VGLL4: variants seen among roughly 807,000 people sequenced by gnomAD.
VGLL4 encodes the protein vestigial like family member 4.
Under a neutral mutation model 21.0 loss-of-function variants are expected in VGLL4, and 7 were observed. The observed-to-expected ratio is 0.33, with a 90% CI of 0.19 to 0.63. The LOEUF is 0.63. VGLL4 is among the 20% of genes least tolerant of loss of function. The probability of loss-of-function intolerance (pLI) is 0.78; values close to 1 mark genes in which losing one functional copy is unlikely to be tolerated. For synonymous variants in VGLL4, 222 were observed against 173.2 expected (o/e 1.28, Z -2.21); for missense variants, 394 against 425.7 (o/e 0.93, Z 0.66).
intron 2 of VGLL4, among the ~76,000 whole-genome samples, chr3:11,597,737 A>T (rs2442774): frequency 6.6e-6 from 1 of 152,118 alleles, no homozygotes; most frequent in Non-Finnish European, 1.5e-5. Context: ...GATTTGCCCC[A>T]TCTCCTGGAC....
chr3:11,660,157 AT>A (rs2076017814), intron 2 of VGLL4, among the ~76,000 whole-genome samples: 1 of 148,942 alleles, frequency 6.7e-6, no homozygotes, highest in Non-Finnish European at 1.5e-5. Context: ...GCGAGACTCC[AT>A]CTCAAAAAAA....
At chr3:11,647,487 G>A (rs567039999), upstream of VGLL4, among the ~76,000 whole-genome samples, 1 of 152,122 alleles carries the variant, frequency 6.6e-6, no homozygotes, top group Non-Finnish European at 1.5e-5. Context: ...TTGGATTTCG[G>A]ACCTTCTTGG....
At chr3:11,709,435 TAA>T (rs58100629) in intron 1 of VGLL4, among the ~76,000 whole-genome samples, 55 of 108,848 alleles carry the variant, frequency 5.1e-4, no homozygotes, top group African/African-American at 1.7e-3. Context: ...AGACTCCGTC[TAA>T]AAAAAAAAAA....
chr3:11,663,327 GT>G (rs778033145), intron 2 of VGLL4, among the ~76,000 whole-genome samples: 197 of 152,266 alleles, frequency 1.3e-3, no homozygotes, highest in Non-Finnish European at 2.5e-3. Flanking sequence ...TACAGAATAA[GT>G]TGGCGTTTAA....
chr3:11,706,958 C>A (rs1575549649), intron 1 of VGLL4, among the ~76,000 whole-genome samples: 1 of 152,116 alleles, frequency 6.6e-6, no homozygotes, highest in Non-Finnish European at 1.5e-5. Flanking sequence ...TCACAGGCAA[C>A]AGGCAGTTGT....
chr3:11,627,820 G>A (rs2075387224), intron 1 of VGLL4, among the ~76,000 whole-genome samples: 1 of 152,066 alleles, frequency 6.6e-6, no homozygotes, highest in African/African-American at 2.4e-5. Context: ...ATTCAAAAGA[G>A]GATGATATAA....
intron 2 of VGLL4, among the ~76,000 whole-genome samples, chr3:11,665,572 G>C (rs1309350155): frequency 1.3e-5 from 2 of 152,332 alleles, no homozygotes; most frequent in East Asian, 3.9e-4. Context: ...GCAGCTGTGG[G>C]GGAAGAGGGC....
At chr3:11,561,891 C>CT (rs35380668) in intron 3 of VGLL4, among the ~76,000 whole-genome samples, 62,723 of 88,602 alleles carry the variant, frequency 0.71, 22,599 homozygotes, top group East Asian at 0.88. Flanking sequence ...CTGCGCCAAA[C>CT]TTTTTTTTTT....
intron 2 of VGLL4, among the ~76,000 whole-genome samples, chr3:11,590,027 A>C (rs1472366539): frequency 6.6e-6 from 1 of 152,224 alleles, no homozygotes; most frequent in Non-Finnish European, 1.5e-5. Flanking sequence ...GTTTCTGCGC[A>C]TAAGACTTCT....
rs114915932 is a variant in VGLL4, at chr3:11,670,455, C to T, written c.64+32516G>A. On this transcript the variant is annotated intron_variant, in intron 2 of 5. Transcript: ENST00000273038. ...ATGAGAGAACATGCCAATTCACCTG[C>T]GTCCCAACAGCCCTTTTGGGAGGTA... Among the ~76,000 whole-genome samples the T allele has an allele frequency of 7.6e-3, 1,161 of 152,218 alleles. 13 individuals carry two copies. The highest frequency in any genetic ancestry group is 0.026 in the African/African-American group (1,074 of 41,536).
chr3:11,716,836 A>G (rs1450676701), intron 1 of VGLL4, among the ~76,000 whole-genome samples: 2 of 152,012 alleles, frequency 1.3e-5, no homozygotes, highest in African/African-American at 4.8e-5. Flanking sequence ...CAGATCCTAA[A>G]TGCTACAGAT....
intron 1 of VGLL4, among the ~76,000 whole-genome samples, chr3:11,632,048 C>T (rs1364473667): frequency 1.3e-5 from 2 of 152,142 alleles, no homozygotes; most frequent in Admixed American, 1.3e-4. Context: ...CTTGGCCGTG[C>T]GCAGTGGCTC....
At chr3:11,650,088 G>C (rs1169761899) in intron 2 of VGLL4, among the ~76,000 whole-genome samples, 1 of 152,030 alleles carries the variant, frequency 6.6e-6, no homozygotes, top group African/African-American at 2.4e-5. Flanking sequence ...CACCGTGTCT[G>C]GCTAACTTTT....
At chr3:11,662,605 A>C (rs893408153) in intron 2 of VGLL4, among the ~76,000 whole-genome samples, 1 of 152,246 alleles carries the variant, frequency 6.6e-6, no homozygotes, top group Non-Finnish European at 1.5e-5. Context: ...AGAAAGCTGA[A>C]TGCTCTCTAT....
At chr3:11,645,565 C>T (rs1355458385), upstream of VGLL4, among the ~76,000 whole-genome samples, 1 of 88,270 alleles carries the variant, frequency 1.1e-5, no homozygotes, top group Non-Finnish European at 2.3e-5. Context: ...AGTCTGCAGT[C>T]CGCAGTCCGG....
chr3:11,578,019 G>A lies in VGLL4; in HGVS notation c.273-13000C>T, dbSNP rs535376961. Among the ~76,000 whole-genome samples, 15 of 152,288 alleles carry A rather than the reference G, an allele frequency of 9.8e-5. No homozygotes were observed. The South Asian group carries it at 3.1e-3, about 32-fold the overall frequency. On this transcript the variant is annotated intron_variant, in intron 2 of 4. Coordinates refer to ENST00000430365, the MANE Select transcript of VGLL4 (RefSeq NM_001128219.3). ...GGTCACACTCCAGAAGCAGCCTAAG[G>A]AAATAGGGCACACAGGCAAGGACTC...
At chr3:11,581,481 A>T (rs2125225075) in intron 2 of VGLL4, among the ~76,000 whole-genome samples, 1 of 152,332 alleles carries the variant, frequency 6.6e-6, no homozygotes, top group Non-Finnish European at 1.5e-5. Context: ...GCCCTCAAGC[A>T]GTCACTTACT....
At chr3:11,645,772 G>T (rs1464923324), upstream of VGLL4, among the ~76,000 whole-genome samples, 2 of 151,866 alleles carry the variant, frequency 1.3e-5, no homozygotes, top group African/African-American at 4.8e-5. Context: ...AGGAGTTTGA[G>T]AACAGTCTGG....
chr3:11,712,483 C>T (rs1247326023), intron 1 of VGLL4, among the ~76,000 whole-genome samples: 2 of 152,124 alleles, frequency 1.3e-5, no homozygotes, highest in Non-Finnish European at 2.9e-5. Context: ...AAAATACATT[C>T]ACATAAATGA....
Sources: gnomAD v4.1 joint callset for allele counts (sites outside exome capture counted in the v4.1 genomes callset) on GRCh38, gnomAD v4.1.1 for gene constraint, MANE v1.5 for transcripts, NCBI Gene and HGNC (gene_info 2026-07-23, HGNC 2026-07-21) for gene names.